Variants in DAAM1 observed in about 807,000 individuals in gnomAD.
DAAM1 encodes the protein dishevelled associated activator of morphogenesis 1.
Under a neutral mutation model 130.0 loss-of-function variants are expected in DAAM1, and 52 were observed. That is an observed-to-expected ratio of 0.40 (90% confidence interval 0.32 to 0.50). The LOEUF is 0.50. Ranked by LOEUF, DAAM1 falls within the 20% of genes least tolerant of loss-of-function variation. The pLI is 0.61. For synonymous variants in DAAM1, 452 were observed against 444.5 expected (o/e 1.02, Z -0.21); for missense variants, 1,134 against 1,303.8 (o/e 0.87, Z 2.01).
Position 59,363,697 on chromosome 14 carries a change from T to C in DAAM1, c.2741T>C (p.Phe914Ser), listed in dbSNP as rs757403590. Residue 914 changes from phenylalanine to serine, a missense_variant, in exon 23 of 25, where the codon TTT becomes TCT. Transcript: ENST00000360909. ...KSQPPQPGDK[F>S]VSVVSQFITV... is the part of the protein sequence containing the mutation. ...CAGCCCCCACAGCCCGGAGATAAGT[T>C]TGTGTCTGTTGTCAGCCAGTTCATC... is the stretch of plus-strand genomic sequence containing the variant. 2 of 1,614,146 alleles carry C rather than the reference T, an allele frequency of 1.2e-6. No homozygotes were observed. The highest frequency in any genetic ancestry group is 1.1e-5 in the South Asian group (1 of 91,084).
intron 3 of DAAM1, among the ~76,000 whole-genome samples, chr14:59,297,660 A>C (rs1192198361): frequency 6.6e-6 from 1 of 152,168 alleles, no homozygotes; most frequent in African/African-American, 2.4e-5. Context: ...TGAGATCCAA[A>C]AATAAGTGAC....
At chr14:59,276,651 AT>A (rs1367864811) in intron 2 of DAAM1, among the ~76,000 whole-genome samples, 2 of 152,230 alleles carry the variant, frequency 1.3e-5, no homozygotes, top group Non-Finnish European at 2.9e-5. Flanking sequence ...CTGGACAAAT[AT>A]CTGAGGTATC....
At chr14:59,249,718 A>G (rs1049741203) in intron 1 of DAAM1, among the ~76,000 whole-genome samples, 4 of 152,126 alleles carry the variant, frequency 2.6e-5, no homozygotes, top group Non-Finnish European at 5.9e-5. Flanking sequence ...TGACTTTTTT[A>G]TTCACTGATA....
At chr14:59,280,396 C>T (rs1036498963) in intron 2 of DAAM1, among the ~76,000 whole-genome samples, 1 of 152,134 alleles carries the variant, frequency 6.6e-6, no homozygotes, top group Non-Finnish European at 1.5e-5. Context: ...GATCACACCA[C>T]TGCACTCCAG....
intron 23 of DAAM1, 109 bp from the exon 24 acceptor site, chr14:59,367,320 A>T: frequency 6.8e-7 from 1 of 1,461,252 alleles, no homozygotes; most frequent in Non-Finnish European, 9.0e-7. Flanking sequence ...AAATGAGCAA[A>T]CAAAACTTAC....
chr14:59,364,329 G>GTT (rs968836137), intron 23 of DAAM1, among the ~76,000 whole-genome samples: 2 of 144,352 alleles, frequency 1.4e-5, no homozygotes, highest in African/African-American at 2.5e-5. Context: ...ATTACAAGAG[G>GTT]TTTTTTTTTT....
At chr14:59,354,498 G>C (rs575865771) in intron 19 of DAAM1, among the ~76,000 whole-genome samples, 70 of 152,308 alleles carry the variant, frequency 4.6e-4, no homozygotes, top group Non-Finnish European at 7.6e-4. Context: ...TACAGGGTTG[G>C]GCTTTTGACT....
chr14:59,364,860 T>C (rs1886853483), intron 23 of DAAM1, among the ~76,000 whole-genome samples: 1 of 150,838 alleles, frequency 6.6e-6, no homozygotes, highest in Non-Finnish European at 1.5e-5. Context: ...CAACCTCTGA[T>C]ATCCCACAGT....
intron 2 of DAAM1, among the ~76,000 whole-genome samples, chr14:59,276,503 G>A (rs1358545071): frequency 3.3e-5 from 5 of 152,138 alleles, no homozygotes; most frequent in African/African-American, 4.8e-5. Context: ...TGTGGGGTGG[G>A]AGGAGAGGGT....
At chr14:59,310,553 G>A (rs1279711724) in intron 3 of DAAM1, among the ~76,000 whole-genome samples, 2 of 152,154 alleles carry the variant, frequency 1.3e-5, no homozygotes, top group Non-Finnish European at 2.9e-5. Flanking sequence ...TTTGCAAAGA[G>A]AGCAGGTTTT....
At chr14:59,364,057 G>A (rs1406021495) in intron 23 of DAAM1, among the ~76,000 whole-genome samples, 2 of 152,168 alleles carry the variant, frequency 1.3e-5, no homozygotes, top group African/African-American at 4.8e-5. Context: ...GCTCTGAATG[G>A]TATAAGACCA....
At chr14:59,257,117 C>T (rs767108272) in intron 1 of DAAM1, among the ~76,000 whole-genome samples, 2 of 152,006 alleles carry the variant, frequency 1.3e-5, no homozygotes, top group African/African-American at 4.8e-5. Flanking sequence ...CATCAGAAAG[C>T]TTGACAAGTG....
intron 1 of DAAM1, among the ~76,000 whole-genome samples, chr14:59,255,366 A>T (rs1481022559): frequency 6.6e-6 from 1 of 152,144 alleles, no homozygotes; most frequent in Non-Finnish European, 1.5e-5. Flanking sequence ...TTTCTCCTAT[A>T]AGCTTTAGAC....
At chr14:59,218,855 T>C (rs943432758) in intron 1 of DAAM1, among the ~76,000 whole-genome samples, 1 of 152,198 alleles carries the variant, frequency 6.6e-6, no homozygotes, top group Non-Finnish European at 1.5e-5. Context: ...AATACAAGAA[T>C]GGAGCACAAA....
intron 8 of DAAM1, 37 bp downstream of exon 8, chr14:59,324,491 G>A: frequency 1.4e-6 from 2 of 1,435,754 alleles, no homozygotes; most frequent in Non-Finnish European, 1.9e-6. Context: ...AAGTTTCTGT[G>A]TTTCCCATCT....
At chr14:59,313,489 C>T (rs1884671559) in intron 3 of DAAM1, among the ~76,000 whole-genome samples, 1 of 152,224 alleles carries the variant, frequency 6.6e-6, no homozygotes, top group Admixed American at 6.5e-5. Flanking sequence ...TCTTCAGTTT[C>T]AAGAATGGTC....
At chr14:59,312,665 T>A (rs1884641500) in intron 3 of DAAM1, among the ~76,000 whole-genome samples, 2 of 152,162 alleles carry the variant, frequency 1.3e-5, no homozygotes, top group Admixed American at 6.5e-5. Context: ...TGGGAGAGGA[T>A]CTCTTAGAAT....
At chr14:59,252,415 T>C (rs1187363421) in intron 1 of DAAM1, among the ~76,000 whole-genome samples, 2 of 152,238 alleles carry the variant, frequency 1.3e-5, no homozygotes, top group African/African-American at 4.8e-5. Flanking sequence ...GTTGTTTGGA[T>C]TGGAATATTA....
chr14:59,254,122 G>T (rs1025924175), intron 1 of DAAM1, among the ~76,000 whole-genome samples: 15 of 152,180 alleles, frequency 9.9e-5, no homozygotes, highest in Non-Finnish European at 2.1e-4. Context: ...TTGTGGTAGG[G>T]GGACATTTTC....
Sources: allele counts gnomAD v4.1 joint callset (sites outside exome capture counted in the v4.1 genomes callset), GRCh38; gene constraint gnomAD v4.1.1; transcripts MANE v1.5; gene names NCBI Gene and HGNC (gene_info 2026-07-23, HGNC 2026-07-21).